Variants in GREM2 observed in about 807,000 individuals in gnomAD.
GREM2 encodes gremlin 2, DAN family BMP antagonist.
In GREM2, 11 loss-of-function variants were observed where a neutral mutation model predicts 14.2. The ratio of observed to expected loss-of-function variants is 0.78; its 90% CI spans 0.49 to 1.28. The LOEUF (loss-of-function observed/expected upper bound fraction) is 1.28, where lower values mean the gene tolerates loss of function less well. Among genes scored for constraint, GREM2 ranks in the 50% most tolerant of loss-of-function variants. The pLI, the probability that GREM2 is intolerant of heterozygous loss-of-function variation, is 0.00. For missense variants in GREM2, 210 were observed against 218.5 expected, an observed-to-expected ratio of 0.96 and a Z score of 0.24; for synonymous variants, 98 against 97.6, an observed-to-expected ratio of 1.00 and a Z score of -0.02.
intron 1 of GREM2, among the ~76,000 whole-genome samples, chr1:240,504,193 A>G (rs1220662974): frequency 1.3e-5 from 2 of 152,174 alleles, no homozygotes; most frequent in African/African-American, 4.8e-5. Context: ...GAAAAAATGG[A>G]AAAAAACTGT....
In GREM2 at chr1:240,543,900, C is replaced by T. The variant is rs1678656546; in HGVS notation, c.-1-50424G>A. Among the ~76,000 whole-genome samples the T allele has an allele frequency of 6.6e-6, 1 of 152,092 alleles. No homozygotes were observed. Among genetic ancestry groups the T allele is most frequent in the Non-Finnish European group, 1.5e-5 (1 of 68,024 alleles). On this transcript the variant is annotated intron_variant, in intron 1 of 1. Transcript: ENST00000318160. This position sits in a 1 kb window ranked among gnomAD's most constrained non-coding sequence, Gnocchi z 6.4. ...TTATTTGTTTTTCAATGGGAACAAG[C>T]ACAGAACTAAAGGGTGACCCTCCAT... is the stretch of plus-strand genomic sequence containing the variant.
rs1677309199 is a variant in GREM2, at chr1:240,493,255, T to C, written c.221A>G (p.Lys74Arg). ...ERKYLKSDWC[K>R]TQPLRQTVSE... is the part of the protein sequence containing the mutation. The stretch of plus-strand genomic sequence containing the variant: ...CACCGTCTGCCGCAGCGGCTGCGTC[T>C]TGCACCAGTCACTCTTGAGGTACTT... The change falls in exon 2 of 2, where the codon AAG becomes AGG. Residue 74 changes from lysine to arginine, a missense_variant. Coordinates refer to ENST00000318160, the MANE Select transcript of GREM2 (RefSeq NM_022469.4). The C allele has an allele frequency of 6.2e-7, 1 of 1,614,092 alleles. No individual in the cohort carries two copies. The highest frequency in any genetic ancestry group is 8.5e-7 in the Non-Finnish European group (1 of 1,180,034).
intron 1 of GREM2, among the ~76,000 whole-genome samples, chr1:240,549,090 C>A (rs79972745): frequency 0.28 from 43,198 of 151,848 alleles, 6,266 homozygotes; most frequent in East Asian, 0.39. Flanking sequence ...TAATCCAGCA[C>A]TTTGGGAGGC....
intron 1 of GREM2, among the ~76,000 whole-genome samples, chr1:240,535,857 A>T (rs1678459651): frequency 6.6e-6 from 1 of 152,084 alleles, no homozygotes; most frequent in East Asian, 1.9e-4. Context: ...TACCCTGAGT[A>T]AAAAGAGAGA....
chr1:240,501,957 C>T (rs1436721118), intron 1 of GREM2, among the ~76,000 whole-genome samples: 1 of 152,142 alleles, frequency 6.6e-6, no homozygotes, highest in Non-Finnish European at 1.5e-5. Flanking sequence ...TCTCTGCAGC[C>T]ATTAGGCAGT....
At position 240,492,197 on chromosome 1, in the gene GREM2, T is replaced by G. The variant is rs938966004; in HGVS notation, c.*772A>C. 1 of 452,926 alleles carries G rather than the reference T, an allele frequency of 2.2e-6. No homozygotes were observed. The highest frequency in any genetic ancestry group is 2.0e-5 in the African/African-American group (1 of 50,002). 28.1% of individuals were successfully genotyped at this position (452,926 alleles called of 1,614,324 possible). A position where few individuals can be genotyped will look rare whatever the true frequency, so the allele number is the denominator to read the frequency against. ...ATATAGAGACCTTTGTGTGTGATAA[T>G]ATTCTAATTGCAGCAATAATAGCAT... is the stretch of plus-strand genomic sequence containing the variant. On this transcript the variant is annotated 3_prime_UTR_variant, in exon 2 of 2. Transcript: ENST00000318160.
chr1:240,497,654 T>TG (rs1185107896), intron 1 of GREM2, among the ~76,000 whole-genome samples: 2 of 151,716 alleles, frequency 1.3e-5, no homozygotes, highest in Non-Finnish European at 2.9e-5. Context: ...AAAAAAAGTT[T>TG]TTTTTTTTTT....
intron 1 of GREM2, among the ~76,000 whole-genome samples, chr1:240,532,414 A>G (rs1236582274): frequency 2.0e-5 from 3 of 152,116 alleles, no homozygotes; most frequent in East Asian, 1.9e-4. Flanking sequence ...TGTCCCTTCC[A>G]TCTCTATAAA....
At position 240,571,350 on chromosome 1, in the gene GREM2, T is replaced by A. The variant is rs116286101; in HGVS notation, c.-2+40534A>T. 6.3e-3 allele frequency among the ~76,000 whole-genome samples: 959 copies of A among 152,258 alleles called. 9 individuals carry two copies. Among genetic ancestry groups the A allele is most frequent in the African/African-American group, 0.022 (905 of 41,554 alleles). On this transcript the variant is annotated intron_variant, in intron 1 of 1. Transcript: ENST00000318160. Reference sequence around the variant, plus strand: ...GTTTGAATTGGCCAATTTCTAAGATTCCTCTAAAATAATTCTTTTTCTGTA... The same window carrying A: ...GTTTGAATTGGCCAATTTCTAAGATACCTCTAAAATAATTCTTTTTCTGTA...
intron 1 of GREM2, among the ~76,000 whole-genome samples, chr1:240,577,603 C>G (rs1011305054): frequency 6.6e-6 from 1 of 152,150 alleles, no homozygotes; most frequent in Non-Finnish European, 1.5e-5. Context: ...ACTTGAAAAC[C>G]TCAACTTGAA....
intron 1 of GREM2, among the ~76,000 whole-genome samples, chr1:240,606,341 G>GA: frequency 6.6e-6 from 1 of 152,254 alleles, no homozygotes; most frequent in East Asian, 1.9e-4. Flanking sequence ...AACTCCAGTG[G>GA]AAAAAATATC....
At chr1:240,581,154 G>T (rs1679475372) in intron 1 of GREM2, among the ~76,000 whole-genome samples, 1 of 151,758 alleles carries the variant, frequency 6.6e-6, no homozygotes, top group South Asian at 2.1e-4. Flanking sequence ...GGAGGCTGAG[G>T]CAAGAGAATC....
intron 1 of GREM2, among the ~76,000 whole-genome samples, chr1:240,594,812 G>A (rs1040866098): frequency 4.6e-5 from 7 of 152,004 alleles, no homozygotes; most frequent in African/African-American, 1.7e-4. Context: ...CCTTGTACGA[G>A]CATCATAGAG....
At chr1:240,535,796 C>T (rs1678457570) in intron 1 of GREM2, among the ~76,000 whole-genome samples, 4 of 28,766 alleles carry the variant, frequency 1.4e-4, no homozygotes, top group Admixed American at 8.7e-4. Flanking sequence ...GAGACTCCAT[C>T]GCAAAAAAAA....
intron 1 of GREM2, among the ~76,000 whole-genome samples, chr1:240,581,999 G>A (rs989512328): frequency 2.0e-5 from 3 of 152,188 alleles, no homozygotes; most frequent in Non-Finnish European, 4.4e-5. Flanking sequence ...ATTAATGCAC[G>A]ATTGCTGGGC....
At chr1:240,519,252 C>G (rs1264647968) in intron 1 of GREM2, among the ~76,000 whole-genome samples, 4 of 152,140 alleles carry the variant, frequency 2.6e-5, no homozygotes, top group Non-Finnish European at 5.9e-5. Flanking sequence ...GAAGTTTTGT[C>G]TCACCCTGCC....
chr1:240,565,015 A>G (rs1045529706), intron 1 of GREM2, among the ~76,000 whole-genome samples: 5 of 152,168 alleles, frequency 3.3e-5, no homozygotes, highest in African/African-American at 1.2e-4. Context: ...GAAATTTGGT[A>G]TTGTGTTCCT....
intron 1 of GREM2, among the ~76,000 whole-genome samples, chr1:240,503,748 G>A (rs1407677881): frequency 6.6e-6 from 1 of 152,128 alleles, no homozygotes; most frequent in South Asian, 2.1e-4. Context: ...ATAAAATGCT[G>A]TTTCCTTTGT....
At chr1:240,595,263 T>C (rs1420258267) in intron 1 of GREM2, among the ~76,000 whole-genome samples, 3 of 152,058 alleles carry the variant, frequency 2.0e-5, no homozygotes, top group Non-Finnish European at 4.4e-5. Context: ...ACCCAGGAGG[T>C]GGAGGTTGCA....
Sources: gnomAD v4.1 joint callset for allele counts (sites outside exome capture counted in the v4.1 genomes callset) on GRCh38, gnomAD v4.1.1 for gene constraint, Gnocchi (gnomAD v3.1) non-coding constraint, MANE v1.5 for transcripts, NCBI Gene and HGNC (gene_info 2026-07-23, HGNC 2026-07-21) for gene names.